The following KLHL22 variants were observed in gnomAD, a reference collection of about 807,000 sequenced individuals.
KLHL22 encodes kelch like family member 22.
A neutral mutation model predicts 60.7 loss-of-function variants in KLHL22; 18 were observed. That is an observed-to-expected ratio of 0.30 (90% CI 0.20 to 0.44). KLHL22 has a LOEUF of 0.44. Ranked by LOEUF, KLHL22 falls within the 20% of genes least tolerant of loss-of-function variation. KLHL22 has a pLI of 1.00. For synonymous variants in KLHL22, 355 were observed against 354.5 expected (o/e 1.00, Z -0.01); for missense variants, 596 against 852.3 (o/e 0.70, Z 3.74).
intron 1 of KLHL22, chr22:20,493,262 C>G (rs1229326212): frequency 2.1e-6 from 1 of 470,478 alleles, no homozygotes; most frequent in Non-Finnish European, 4.4e-6. Flanking sequence ...CTTCCATGGG[C>G]AGGCAAAGCA....
At position 20,495,323 on chromosome 22, in the gene KLHL22, G is replaced by C. The variant is rs994192848; in HGVS notation, c.-34+437C>G. 6.6e-6 allele frequency among the ~76,000 whole-genome samples: 1 copy of C among 152,240 alleles called. No homozygotes were observed. The highest frequency in any genetic ancestry group is 1.5e-5 in the Non-Finnish European group (1 of 68,032). On this transcript the variant is annotated intron_variant, in intron 1 of 6. Coordinates refer to ENST00000328879, the MANE Select transcript of KLHL22 (RefSeq NM_032775.4). The surrounding 1 kb of genome is among the most constrained non-coding windows in gnomAD (Gnocchi z 4.6). ...TGGGCTCCTACGGCTGCAGTCCCCG[G>C]GCCCGATCGAGGGAACTGAGGCTCG...
In KLHL22 at chr22:20,441,971, G is replaced by A; in HGVS notation, c.*102C>T. The A allele has an allele frequency of 1.6e-6, 2 of 1,250,518 alleles. No individual in the cohort carries two copies. Among genetic ancestry groups the A allele is most frequent in the Non-Finnish European group, 2.1e-6 (2 of 931,042 alleles). The allele number at this position is 1,250,518 out of a possible 1,614,324, so 77.5% of individuals were successfully genotyped here. ...GGCCCATAAGCTGTGGCCAACAGGGGCAGGGGCCCTGCCTGGAGTAAAGTG... is the reference window on the plus strand; with the variant it reads ...GGCCCATAAGCTGTGGCCAACAGGGACAGGGGCCCTGCCTGGAGTAAAGTG... On this transcript the variant is annotated 3_prime_UTR_variant, in exon 7 of 7. Coordinates refer to ENST00000328879, the MANE Select transcript of KLHL22 (RefSeq NM_032775.4).
Position 20,457,798 on chromosome 22 carries a change from G to C in KLHL22, c.1305+10C>G, listed in dbSNP as rs1157348056. ...GGCAGGAGAAGGCCCCTCTTCGAGG[G>C]CTTCCTTACCTCCCTCTTGAGTGGG... On this transcript the variant is annotated intron_variant, in intron 5 of 6. Transcript: ENST00000328879. 1 of 1,580,560 alleles carries C rather than the reference G, an allele frequency of 6.3e-7. No individual in the cohort carries two copies. The highest frequency in any genetic ancestry group is 8.6e-7 in the Non-Finnish European group (1 of 1,161,236).
At chr22:20,475,581 A>G (rs2053398883) in intron 2 of KLHL22, among the ~76,000 whole-genome samples, 1 of 149,594 alleles carries the variant, frequency 6.7e-6, no homozygotes, top group Admixed American at 6.7e-5. Flanking sequence ...TTTTTTTTTA[A>G]GACGAAGTCT....
intron 1 of KLHL22, among the ~76,000 whole-genome samples, chr22:20,492,841 C>T (rs1319897570): frequency 2.0e-5 from 3 of 152,198 alleles, no homozygotes; most frequent in Non-Finnish European, 4.4e-5. Flanking sequence ...ATCCATCTGC[C>T]TTGACCTCCC....
At chr22:20,449,558 G>A (rs1000277071) in intron 5 of KLHL22, among the ~76,000 whole-genome samples, 6 of 151,576 alleles carry the variant, frequency 4.0e-5, no homozygotes, top group African/African-American at 1.2e-4. Context: ...GTGCCACCGC[G>A]CCCAACTAAT....
At chr22:20,454,465 G>A (rs932246814) in intron 5 of KLHL22, among the ~76,000 whole-genome samples, 1 of 152,196 alleles carries the variant, frequency 6.6e-6, no homozygotes, top group African/African-American at 2.4e-5. Flanking sequence ...TATAAAGCAT[G>A]AATGAGGAAG....
At chr22:20,451,330 C>G in intron 5 of KLHL22, 2 of 1,610,964 alleles carry the variant, frequency 1.2e-6, no homozygotes, top group Non-Finnish European at 1.7e-6. Context: ...AAACATTGAC[C>G]AGAGGAGCAT....
At chr22:20,466,331 GCCATTGCACT>G (rs1289819004) in intron 3 of KLHL22, among the ~76,000 whole-genome samples, 4 of 142,344 alleles carry the variant, frequency 2.8e-5, no homozygotes, top group Non-Finnish European at 6.0e-5. Flanking sequence ...CCGAGATCGC[GCCATTGCACT>G]CCAACCTGGG....
intron 2 of KLHL22, among the ~76,000 whole-genome samples, chr22:20,480,779 AATTTTGAGTTTTGG>A (rs1036376318): frequency 3.3e-5 from 5 of 151,724 alleles, no homozygotes. Context: ...CCTCGAAAAT[AATTTTGAGTTTTGG>A]GTGGGTTCCG....
At chr22:20,457,569 G>A (rs1046885181) in intron 5 of KLHL22, among the ~76,000 whole-genome samples, 2 of 152,180 alleles carry the variant, frequency 1.3e-5, no homozygotes, top group African/African-American at 4.8e-5. Context: ...CTCACAAGTG[G>A]GGCACAATTC....
At chr22:20,489,681 A>G (rs750147632) in intron 1 of KLHL22, 17 of 471,030 alleles carry the variant, frequency 3.6e-5, no homozygotes, top group South Asian at 6.2e-5. Context: ...AGCACACACC[A>G]GGTTCTCAAG....
Position 20,448,629 on chromosome 22 carries a change from A to G in KLHL22, c.1306-1953T>C, listed in dbSNP as rs569926809. On this transcript the variant is annotated intron_variant, in intron 5 of 6. Coordinates refer to ENST00000328879, the MANE Select transcript of KLHL22 (RefSeq NM_032775.4). ...GCCCATGCTGGAATATAGTGGCACAATCTTGGCTCACTGCAACCTCTGCCT... is the reference window on the plus strand; with the variant it reads ...GCCCATGCTGGAATATAGTGGCACAGTCTTGGCTCACTGCAACCTCTGCCT... 3.9e-5 allele frequency among the ~76,000 whole-genome samples: 6 copies of G among 152,294 alleles called. No individual in the cohort carries two copies. The East Asian group carries it at 1.2e-3, about 29-fold the overall frequency.
At chr22:20,474,969 C>A (rs1414844470) in intron 2 of KLHL22, among the ~76,000 whole-genome samples, 3 of 152,184 alleles carry the variant, frequency 2.0e-5, no homozygotes, top group South Asian at 4.1e-4. Context: ...TCTAACTCAC[C>A]ACCACAAAAG....
chr22:20,483,988 CG>C, intron 2 of KLHL22: 1 of 703,926 alleles, frequency 1.4e-6, no homozygotes, highest in East Asian at 2.7e-5. Flanking sequence ...CCAGAGCCCT[CG>C]GTGCCTGCAT....
intron 5 of KLHL22, among the ~76,000 whole-genome samples, chr22:20,453,429 G>T (rs2146188292): frequency 6.6e-6 from 1 of 152,144 alleles, no homozygotes; most frequent in South Asian, 2.1e-4. Context: ...AATTGTTTCT[G>T]CACCTTTGTC....
intron 4 of KLHL22, among the ~76,000 whole-genome samples, chr22:20,458,843 A>G (rs921067135): frequency 3.9e-5 from 6 of 152,062 alleles, no homozygotes; most frequent in Admixed American, 3.3e-4. Context: ...CCTCCACTCA[A>G]GGTCTCCCTC....
chr22:20,453,130 T>G (rs180837135), intron 5 of KLHL22, among the ~76,000 whole-genome samples: 1 of 152,234 alleles, frequency 6.6e-6, no homozygotes, highest in East Asian at 1.9e-4. Context: ...TAAACAACCT[T>G]TGCTCTGAAA....
chr22:20,489,323 G>GC, intron 1 of KLHL22, 79 bp from the exon 2 acceptor site: 2 of 990,156 alleles, frequency 2.0e-6, no homozygotes, highest in Non-Finnish European at 3.1e-6. Context: ...CAGCTCTGTT[G>GC]CTCCCCTTGC....
Sources: gnomAD v4.1 joint callset for allele counts (sites outside exome capture counted in the v4.1 genomes callset) on GRCh38, gnomAD v4.1.1 for gene constraint, Gnocchi (gnomAD v3.1) non-coding constraint, MANE v1.5 for transcripts, NCBI Gene and HGNC (gene_info 2026-07-23, HGNC 2026-07-21) for gene names.